OC90: variants seen among roughly 807,000 people sequenced by gnomAD.
The protein encoded by OC90 is otoconin-90.
OC90 carries 46 observed loss-of-function variants against 47.3 expected under a neutral mutation model. That is an observed-to-expected ratio of 0.97 (90% CI 0.77 to 1.24). The LOEUF (loss-of-function observed/expected upper bound fraction) is 1.24, where lower values mean the gene tolerates loss of function less well. Ranked by LOEUF, OC90 falls within the 50% of genes most tolerant of loss-of-function variation. The pLI is 0.00. For missense variants in OC90, 688 were observed against 583.9 expected (o/e 1.18, Z -1.84); for synonymous variants, 271 against 219.5 (o/e 1.23, Z -2.07).
intron 2 of OC90, among the ~76,000 whole-genome samples, chr8:132,048,608 C>T (rs774698111): frequency 5.9e-5 from 9 of 151,578 alleles, no homozygotes; most frequent in Non-Finnish European, 1.0e-4. Context: ...CACTCTGCAC[C>T]TTAGCTGTTT....
Position 132,033,054 on chromosome 8 carries a change from C to T in OC90, c.844G>A (p.Glu282Lys). The T allele has an allele frequency of 6.2e-7, 1 of 1,609,830 alleles. No homozygotes were observed. Among genetic ancestry groups the T allele is most frequent in the Non-Finnish European group, 8.5e-7 (1 of 1,178,238 alleles). ...TTCTGCTCACCTTTTTCAGTGGTCT[C>T]CTCAGGATCATTTTCAACAGATGAC... ...AVSSVENDPE[E>K]TTEKACDRFT... The change falls in exon 11 of 14, where the codon GAG (glutamate) becomes AAG (lysine). Residue 282 changes from glutamate (E) to lysine (K), a missense_variant. Physicochemically the swap from Glu to Lys is moderately conservative, Grantham distance 56. Transcript: ENST00000254627.
chr8:132,046,804 T>C (rs1477553438), intron 2 of OC90, among the ~76,000 whole-genome samples: 1 of 152,148 alleles, frequency 6.6e-6, no homozygotes, highest in Non-Finnish European at 1.5e-5. Context: ...AGAAGCCCCA[T>C]CAATCTGAAA....
chr8:132,034,600 C>T (rs1487403424), intron 10 of OC90, among the ~76,000 whole-genome samples, 181 bp downstream of exon 10: 1 of 152,232 alleles, frequency 6.6e-6, no homozygotes, highest in African/African-American at 2.4e-5. Flanking sequence ...GTGTTAATCA[C>T]CCTCCCTGGA....
chr8:132,058,866 GCTCT>G (rs1433885647), intron 1 of OC90, among the ~76,000 whole-genome samples: 3 of 152,142 alleles, frequency 2.0e-5, no homozygotes, highest in East Asian at 1.9e-4. Flanking sequence ...TTTGCCAGGT[GCTCT>G]CTGTCTGGCA....
At chr8:132,028,592 AAGGAAGGAGGG>A (rs2130850281) in intron 13 of OC90, among the ~76,000 whole-genome samples, 2 of 33,842 alleles carry the variant, frequency 5.9e-5, no homozygotes, top group African/African-American at 1.8e-4. Context: ...GGAAGGAAGG[AAGGAAGGAGGG>A]AAGGAGGGAA....
chr8:132,040,960 C>T (rs1823043286), intron 6 of OC90, 84 bp downstream of exon 6: 4 of 830,998 alleles, frequency 4.8e-6, no homozygotes, highest in Admixed American at 1.8e-5. Flanking sequence ...GAGAGGATCA[C>T]AATGCCCTCA....
chr8:132,031,063 T>G (rs1268561932), intron 12 of OC90, among the ~76,000 whole-genome samples: 1 of 152,208 alleles, frequency 6.6e-6, no homozygotes, highest in Non-Finnish European at 1.5e-5. Context: ...TGTCCCCATG[T>G]GCAGTCTTTA....
chr8:132,036,287 A>C (rs182350811), intron 9 of OC90: 66 of 772,148 alleles, frequency 8.5e-5, no homozygotes, highest in Admixed American at 2.8e-4. Context: ...AAGTGGTCAC[A>C]GGACTGAGCA....
chr8:132,056,654 T>A (rs140565150), intron 1 of OC90, among the ~76,000 whole-genome samples: 43 of 152,268 alleles, frequency 2.8e-4, no homozygotes, highest in Middle Eastern at 3.4e-3. Flanking sequence ...TCTGAATGAT[T>A]CCTTCTCAGG....
intron 4 of OC90, among the ~76,000 whole-genome samples, chr8:132,043,932 T>C (rs911416226): frequency 6.6e-6 from 1 of 152,206 alleles, no homozygotes; most frequent in Admixed American, 6.5e-5. Flanking sequence ...TTCTAGTAGT[T>C]GATGATAGGA....
At chr8:132,033,267 T>C in intron 10 of OC90, 103 bp from the exon 11 acceptor site, 3 of 1,173,444 alleles carry the variant, frequency 2.6e-6, no homozygotes, top group Non-Finnish European at 2.4e-6. Context: ...AACAACATAG[T>C]GTTAGGAGAA....
At chr8:132,030,628 C>A (rs370465644) in intron 12 of OC90, among the ~76,000 whole-genome samples, 2 of 152,334 alleles carry the variant, frequency 1.3e-5, no homozygotes, top group South Asian at 2.1e-4. Context: ...AGCAGGCATG[C>A]GGTTGAACCT....
chr8:132,037,563 A>G (rs6992506), intron 8 of OC90, 75 bp from the exon 9 acceptor site: 959,941 of 1,325,356 alleles, frequency 0.72, 348,474 homozygotes, highest in Admixed American at 0.77. Flanking sequence ...TCTCAAAGGA[A>G]AACAGGCTGG....
chr8:132,037,566 C>T, intron 8 of OC90, 78 bp from the exon 9 acceptor site: 1 of 1,264,592 alleles, frequency 7.9e-7, no homozygotes, highest in Non-Finnish European at 1.1e-6. Flanking sequence ...CAAAGGAAAA[C>T]AGGCTGGTTG....
chr8:132,046,964 G>T (rs1823141827), intron 2 of OC90, among the ~76,000 whole-genome samples: 1 of 152,184 alleles, frequency 6.6e-6, no homozygotes, highest in South Asian at 2.1e-4. Context: ...ATTTTCTGTT[G>T]CTAGGGATTG....
intron 9 of OC90, among the ~76,000 whole-genome samples, chr8:132,035,652 T>C (rs1240003755): frequency 1.3e-5 from 2 of 152,242 alleles, no homozygotes; most frequent in Non-Finnish European, 2.9e-5. Flanking sequence ...AATTGACTGA[T>C]ATGGACACAA....
intron 2 of OC90, among the ~76,000 whole-genome samples, chr8:132,050,156 G>C (rs10098044): frequency 3.5e-5 from 5 of 144,174 alleles, no homozygotes; most frequent in African/African-American, 1.3e-4. Flanking sequence ...AAGCTTTCTA[G>C]GTAAAGGGGT....
At chr8:132,048,963 C>T (rs1260180438) in intron 2 of OC90, among the ~76,000 whole-genome samples, 1 of 151,600 alleles carries the variant, frequency 6.6e-6, no homozygotes, top group Admixed American at 6.5e-5. Flanking sequence ...CCTGCTCTTC[C>T]ACCTGCTAAA....
intron 2 of OC90, among the ~76,000 whole-genome samples, chr8:132,053,197 C>G (rs866781508): frequency 1.6e-4 from 25 of 152,140 alleles, no homozygotes; most frequent in African/African-American, 6.0e-4. Context: ...GATGCTGCCC[C>G]TGTGCTAGCA....
Sources: gnomAD v4.1 joint callset for allele counts (sites outside exome capture counted in the v4.1 genomes callset) on GRCh38, gnomAD v4.1.1 for gene constraint, MANE v1.5 for transcripts, NCBI Gene and HGNC (gene_info 2026-07-23, HGNC 2026-07-21) for gene names.